Variants in HS6ST3 observed in about 807,000 individuals in gnomAD.
HS6ST3 encodes heparan-sulfate 6-O-sulfotransferase 3.
HS6ST3 carries 12 observed loss-of-function variants against 36.7 expected under a neutral mutation model. The observed-to-expected ratio is 0.33, with a 90% confidence interval of 0.21 to 0.53. The LOEUF is 0.53. Among genes scored for constraint, HS6ST3 ranks in the 20% least tolerant of loss-of-function variants. HS6ST3 has a pLI of 0.95. For synonymous variants in HS6ST3, 240 were observed against 257.5 expected, an observed-to-expected ratio of 0.93 and a Z score of 0.65; for missense variants, 584 against 640.9, an observed-to-expected ratio of 0.91 and a Z score of 0.96.
chr13:96,451,176 G>A (rs1166479273), intron 1 of HS6ST3, among the ~76,000 whole-genome samples: 1 of 150,954 alleles, frequency 6.6e-6, no homozygotes, highest in Non-Finnish European at 1.5e-5. Flanking sequence ...AAATCAGCCA[G>A]TGTTAGGGGG....
intron 1 of HS6ST3, among the ~76,000 whole-genome samples, chr13:96,286,277 C>T (rs1049030331): frequency 2.0e-5 from 3 of 152,110 alleles, no homozygotes. Flanking sequence ...TCTGCTTTAA[C>T]GATTTGATTC....
At chr13:96,531,301 G>C (rs2056134637) in intron 1 of HS6ST3, among the ~76,000 whole-genome samples, 1 of 152,182 alleles carries the variant, frequency 6.6e-6, no homozygotes, top group Non-Finnish European at 1.5e-5. Context: ...GTAAAAACGA[G>C]AAGTTAAATG....
At chr13:96,742,945 A>T (rs891043115) in intron 1 of HS6ST3, among the ~76,000 whole-genome samples, 1 of 152,054 alleles carries the variant, frequency 6.6e-6, no homozygotes, top group Admixed American at 6.6e-5. Flanking sequence ...CCTTAATAAA[A>T]CCCAGTTCAG....
chr13:96,545,953 C>G (rs2056196140), intron 1 of HS6ST3, among the ~76,000 whole-genome samples: 1 of 151,990 alleles, frequency 6.6e-6, no homozygotes, highest in Non-Finnish European at 1.5e-5. Flanking sequence ...TCTCCAGGGT[C>G]TAGCACAGTG....
At chr13:96,269,438 T>A (rs2054708850) in intron 1 of HS6ST3, among the ~76,000 whole-genome samples, 1 of 152,104 alleles carries the variant, frequency 6.6e-6, no homozygotes, top group East Asian at 1.9e-4. Flanking sequence ...TGTGACCGCT[T>A]TGTGCGTACT....
rs369862843 is a variant in HS6ST3, at chr13:96,262,863, ATAT to A, written c.707+171300_707+171302del. On this transcript the variant is annotated intron_variant, in intron 1 of 1. Coordinates refer to ENST00000376705, the MANE Select transcript of HS6ST3 (RefSeq NM_153456.4). ...TTGTGTGACTTCCCTGAATTTATTT[ATAT>A]TATTAAGTATGAGTACTTAACTGTG... Among the ~76,000 whole-genome samples, 49 of 152,220 alleles carry A rather than the reference ATAT, an allele frequency of 3.2e-4. 1 individual carries two copies. The South Asian group carries it at 9.3e-3, about 29-fold the overall frequency.
At chr13:96,550,123 C>T (rs2056214138) in intron 1 of HS6ST3, among the ~76,000 whole-genome samples, 1 of 152,088 alleles carries the variant, frequency 6.6e-6, no homozygotes, top group Admixed American at 6.6e-5. Context: ...GGTTGTGTGT[C>T]CCCTCCAAAT....
chr13:96,159,422 C>T (rs1309031321), intron 1 of HS6ST3, among the ~76,000 whole-genome samples: 1 of 152,080 alleles, frequency 6.6e-6, no homozygotes, highest in Non-Finnish European at 1.5e-5. Context: ...TGCAGGTTTG[C>T]AGAAACAAAT....
At chr13:96,618,845 C>T (rs1263204750) in intron 1 of HS6ST3, among the ~76,000 whole-genome samples, 1 of 152,170 alleles carries the variant, frequency 6.6e-6, no homozygotes, top group Admixed American at 6.5e-5. Flanking sequence ...TTATGGATGA[C>T]CATGCCATTG....
chr13:96,661,688 A>T (rs2139019600), intron 1 of HS6ST3, among the ~76,000 whole-genome samples: 1 of 152,202 alleles, frequency 6.6e-6, no homozygotes, highest in East Asian at 1.9e-4. Context: ...GCTTCATAAG[A>T]CCTGTGAGAT....
At chr13:96,459,107 A>AAAAAAAAAAAAAAAAAAAG (rs2055769327) in intron 1 of HS6ST3, among the ~76,000 whole-genome samples, 1 of 69,346 alleles carries the variant, frequency 1.4e-5, no homozygotes. Flanking sequence ...GTCTAAAAAA[A>AAAAAAAAAAAAAAAAAAAG]AAAAAAAAAA....
chr13:96,148,841 A>C (rs2054070300), intron 1 of HS6ST3, among the ~76,000 whole-genome samples: 1 of 152,208 alleles, frequency 6.6e-6, no homozygotes, highest in Non-Finnish European at 1.5e-5. Flanking sequence ...GAAATAAGGC[A>C]TATCAATGAT....
At chr13:96,326,254 G>A (rs1161395922) in intron 1 of HS6ST3, among the ~76,000 whole-genome samples, 5 of 149,990 alleles carry the variant, frequency 3.3e-5, no homozygotes, top group African/African-American at 9.8e-5. Context: ...GTATACATGT[G>A]CCATGTTGGT....
chr13:96,378,267 C>G (rs1038769310), intron 1 of HS6ST3, among the ~76,000 whole-genome samples: 1 of 152,130 alleles, frequency 6.6e-6, no homozygotes, highest in South Asian at 2.1e-4. Context: ...TGAGAGTTAT[C>G]TGTGGTTTTA....
At chr13:96,330,025 C>G (rs1317076324) in intron 1 of HS6ST3, among the ~76,000 whole-genome samples, 1 of 149,424 alleles carries the variant, frequency 6.7e-6, no homozygotes, top group Non-Finnish European at 1.5e-5. Context: ...TTTTGTTTTC[C>G]ATTTGCTTGG....
intron 1 of HS6ST3, among the ~76,000 whole-genome samples, chr13:96,583,504 C>G (rs528458125): frequency 1.4e-4 from 21 of 151,998 alleles, no homozygotes; most frequent in African/African-American, 4.6e-4. Context: ...GAGCACCCGC[C>G]CAATGGCTTC....
At chr13:96,483,488 G>C (rs1251944986) in intron 1 of HS6ST3, among the ~76,000 whole-genome samples, 1 of 152,160 alleles carries the variant, frequency 6.6e-6, no homozygotes, top group African/African-American at 2.4e-5. Flanking sequence ...GTCATATGAA[G>C]TGACTAAGGC....
At chr13:96,635,086 G>A (rs1016397622) in intron 1 of HS6ST3, among the ~76,000 whole-genome samples, 4 of 152,052 alleles carry the variant, frequency 2.6e-5, no homozygotes, top group Admixed American at 6.5e-5. Context: ...AGAAGCTCCC[G>A]TGGTCTTTCA....
chr13:96,419,669 A>G (rs978701436), intron 1 of HS6ST3, among the ~76,000 whole-genome samples: 1 of 152,188 alleles, frequency 6.6e-6, no homozygotes, highest in Admixed American at 6.6e-5. Context: ...GTCATAGGCC[A>G]TGCTCCCTCT....
Sources: gnomAD v4.1 joint callset for allele counts (sites outside exome capture counted in the v4.1 genomes callset) on GRCh38, gnomAD v4.1.1 for gene constraint, MANE v1.5 for transcripts, NCBI Gene and HGNC (gene_info 2026-07-23, HGNC 2026-07-21) for gene names.